TTC28: variants seen among roughly 807,000 people sequenced by gnomAD.
TTC28 encodes the protein tetratricopeptide repeat protein 28.
In TTC28, 61 loss-of-function variants were observed where a neutral mutation model predicts 198.0. That is an observed-to-expected ratio of 0.31 (90% CI 0.25 to 0.38). The LOEUF is 0.38. Among genes scored for constraint, TTC28 ranks in the 10% least tolerant of loss-of-function variants. The pLI, the probability that TTC28 is intolerant of heterozygous loss-of-function variation, is 1.00. For missense variants in TTC28, 2,678 were observed against 3,164.0 expected, an observed-to-expected ratio of 0.85 and a Z score of 3.69; for synonymous variants, 1,171 against 1,297.8, an observed-to-expected ratio of 0.90 and a Z score of 2.10.
At chr22:28,245,639 G>A (rs1930031901) in intron 5 of TTC28, among the ~76,000 whole-genome samples, 1 of 152,134 alleles carries the variant, frequency 6.6e-6, no homozygotes, top group African/African-American at 2.4e-5. Flanking sequence ...TTCACATGAT[G>A]CACTAAAAAA....
intron 6 of TTC28, among the ~76,000 whole-genome samples, chr22:28,116,180 G>A (rs899055174): frequency 3.3e-5 from 5 of 152,160 alleles, no homozygotes; most frequent in South Asian, 2.1e-4. Context: ...TGGGCTGAAT[G>A]AGCAGTGACG....
intron 2 of TTC28, among the ~76,000 whole-genome samples, chr22:28,337,843 T>A (rs2045757546): frequency 6.6e-6 from 1 of 152,212 alleles, no homozygotes; most frequent in Non-Finnish European, 1.5e-5. Context: ...CATTTACATT[T>A]AAGGTTAATA....
chr22:28,192,179 G>A (rs1039666490), intron 5 of TTC28, among the ~76,000 whole-genome samples: 1 of 152,166 alleles, frequency 6.6e-6, no homozygotes, highest in Non-Finnish European at 1.5e-5. Context: ...AGGCAAACAG[G>A]GTCTGGAGTG....
intron 2 of TTC28, among the ~76,000 whole-genome samples, chr22:28,391,314 T>C (rs1161703569): frequency 6.6e-6 from 1 of 152,186 alleles, no homozygotes; most frequent in Non-Finnish European, 1.5e-5. Flanking sequence ...CTGACAATTA[T>C]GTGTCTTGGA....
rs1257779347 is a variant in TTC28, at chr22:28,005,499, T to C, written c.4219-3946A>G. ...TAGGCTGCATTCCTTTGGCTGTTTCTCCCACGATATGCAGGGTGCTGAGCT... is the reference window on the plus strand; with the variant it reads ...TAGGCTGCATTCCTTTGGCTGTTTCCCCCACGATATGCAGGGTGCTGAGCT... On this transcript the variant is annotated intron_variant, in intron 14 of 22. Coordinates refer to ENST00000397906, the MANE Select transcript of TTC28 (RefSeq NM_001145418.2). This position sits in a 1 kb window ranked among gnomAD's most constrained non-coding sequence, Gnocchi z 4.9. Among the ~76,000 whole-genome samples the C allele has an allele frequency of 1.3e-5, 2 of 152,182 alleles. No individual in the cohort carries two copies. The highest frequency in any genetic ancestry group is 2.9e-5 in the Non-Finnish European group (2 of 68,030).
chr22:28,182,984 C>T (rs1369571332), intron 5 of TTC28, among the ~76,000 whole-genome samples: 1 of 151,892 alleles, frequency 6.6e-6, no homozygotes, highest in African/African-American at 2.4e-5. Flanking sequence ...TTAAGGAAAT[C>T]TGGCACTCTG....
At chr22:28,085,237 A>G (rs1368189513) in intron 12 of TTC28, among the ~76,000 whole-genome samples, 1 of 152,140 alleles carries the variant, frequency 6.6e-6, no homozygotes, top group Non-Finnish European at 1.5e-5. Flanking sequence ...AAATGAAGGA[A>G]AAAATGTTAA....
rs556692174 is a variant in TTC28 at position 28,314,791 on chromosome 22, C to T, written c.382-8148G>A. Among the ~76,000 whole-genome samples, 15 of 152,012 alleles carry T rather than the reference C, an allele frequency of 9.9e-5. No individual in the cohort carries two copies. In the South Asian group the frequency reaches 2.3e-3, roughly 23 times the overall value. On this transcript the variant is annotated intron_variant, in intron 2 of 22. Transcript: ENST00000397906. ...GGGAAGCTAAGGTGGGAGAATTGCT[C>T]GAGCCCAAGAGTTCAAAGCCGTAGT...
At chr22:28,073,655 C>A (rs1455602330) in intron 12 of TTC28, among the ~76,000 whole-genome samples, 1 of 152,148 alleles carries the variant, frequency 6.6e-6, no homozygotes, top group South Asian at 2.1e-4. Context: ...CACATCCACT[C>A]CTGTGGGAGG....
intron 2 of TTC28, among the ~76,000 whole-genome samples, chr22:28,608,577 C>A (rs1254145330): frequency 1.3e-5 from 2 of 152,060 alleles, no homozygotes; most frequent in Non-Finnish European, 2.9e-5. Context: ...TCCAAAATAT[C>A]CCTCGGAATC....
chr22:28,014,532 C>A, intron 13 of TTC28, 140 bp from the exon 14 acceptor site: 1 of 957,038 alleles, frequency 1.0e-6, no homozygotes, highest in Admixed American at 3.3e-5. Flanking sequence ...CTCCCAGCTC[C>A]GTTCCCTTCT....
At chr22:28,191,760 C>G (rs1164618779) in intron 5 of TTC28, among the ~76,000 whole-genome samples, 2 of 152,132 alleles carry the variant, frequency 1.3e-5, no homozygotes, top group Non-Finnish European at 1.5e-5. Flanking sequence ...CTGACATTGC[C>G]CAGGCTTCAG....
intron 5 of TTC28, among the ~76,000 whole-genome samples, chr22:28,272,293 T>C (rs567733170): frequency 1.3e-5 from 2 of 152,350 alleles, no homozygotes; most frequent in South Asian, 2.1e-4. Flanking sequence ...ATTGATTTTA[T>C]AGAATGCTGG....
At chr22:28,653,183 T>C (rs2051590040) in intron 1 of TTC28, among the ~76,000 whole-genome samples, 1 of 152,110 alleles carries the variant, frequency 6.6e-6, no homozygotes, top group African/African-American at 2.4e-5. Context: ...TTGGAGCAGG[T>C]CTACTCCCAG....
chr22:28,494,164 G>T (rs1408810670), intron 2 of TTC28, among the ~76,000 whole-genome samples: 1 of 152,140 alleles, frequency 6.6e-6, no homozygotes, highest in Non-Finnish European at 1.5e-5. Flanking sequence ...ATATTGAAAT[G>T]TTTATGAATT....
chr22:28,586,315 C>A (rs1352942450), intron 2 of TTC28, among the ~76,000 whole-genome samples: 1 of 150,810 alleles, frequency 6.6e-6, no homozygotes, highest in East Asian at 1.9e-4. Flanking sequence ...TAAGAAAGAT[C>A]AATTTTAACT....
chr22:28,390,367 T>C (rs1469552642), intron 2 of TTC28, among the ~76,000 whole-genome samples: 1 of 152,204 alleles, frequency 6.6e-6, no homozygotes, highest in Admixed American at 6.5e-5. Context: ...GTCCACTTGG[T>C]GCAGAGCTGA....
intron 5 of TTC28, among the ~76,000 whole-genome samples, chr22:28,261,598 G>A (rs1931325462): frequency 6.6e-6 from 1 of 152,146 alleles, no homozygotes; most frequent in African/African-American, 2.4e-5. Context: ...GTTAATAGGT[G>A]TTCCACATAA....
At chr22:28,329,808 T>C (rs537781058) in intron 2 of TTC28, among the ~76,000 whole-genome samples, 3 of 152,332 alleles carry the variant, frequency 2.0e-5, no homozygotes, top group East Asian at 1.9e-4. Context: ...GCAGATAACA[T>C]CTTGAGGTCT....
Sources: gnomAD v4.1 joint callset for allele counts (sites outside exome capture counted in the v4.1 genomes callset) on GRCh38, gnomAD v4.1.1 for gene constraint, Gnocchi (gnomAD v3.1) non-coding constraint, MANE v1.5 for transcripts, NCBI Gene and HGNC (gene_info 2026-07-23, HGNC 2026-07-21) for gene names.